The following PPP2R1B variants were observed in gnomAD, a reference collection of about 807,000 sequenced individuals.
PPP2R1B encodes the protein serine/threonine-protein phosphatase 2A 65 kDa regulatory subunit A beta isoform.
Under a neutral mutation model 72.7 loss-of-function variants are expected in PPP2R1B, and 58 were observed. The observed-to-expected ratio is 0.80, with a 90% CI of 0.65 to 0.99. PPP2R1B has a LOEUF of 0.99. Ranked by LOEUF, PPP2R1B falls within the 50% of genes least tolerant of loss-of-function variation. The pLI is 0.00. For synonymous variants in PPP2R1B, 256 were observed against 264.6 expected (o/e 0.97, Z 0.32); for missense variants, 695 against 733.6 (o/e 0.95, Z 0.61).
chr11:111,759,285 A>G (rs1487284002), intron 5 of PPP2R1B, among the ~76,000 whole-genome samples: 3 of 152,242 alleles, frequency 2.0e-5, no homozygotes, highest in Non-Finnish European at 4.4e-5. Flanking sequence ...GCAGAGAAAA[A>G]TTAAGTACTT....
chr11:111,703,651 A>G, the PPP2R1B span, among the ~76,000 whole-genome samples: 2 of 152,248 alleles, frequency 1.3e-5, no homozygotes, highest in Non-Finnish European at 2.9e-5. Flanking sequence ...GCATTTATAA[A>G]AGACTCAGAA....
chr11:111,707,882 C>CT, the PPP2R1B span, among the ~76,000 whole-genome samples: 1 of 152,192 alleles, frequency 6.6e-6, no homozygotes, highest in African/African-American at 2.4e-5. Flanking sequence ...GTCAGCGTCT[C>CT]TGAGTTCCTG....
chr11:111,738,460 T>C lies in PPP2R1B; in HGVS notation c.*3136A>G. 1 of 985,466 alleles carries C rather than the reference T, an allele frequency of 1.0e-6. No individual in the cohort carries two copies. The highest frequency in any genetic ancestry group is 1.2e-6 in the Non-Finnish European group (1 of 829,960). The allele number at this position is 985,466 out of a possible 1,614,324, so 61.0% of individuals were successfully genotyped here. On this transcript the variant is annotated 3_prime_UTR_variant, in exon 15 of 15. Transcript: ENST00000527614. ...ACAACAGTTAACAAAGGAACAAAAGTGCACCAGGTTAACCGCCGGGTCAGG... is the reference window on the plus strand; with the variant it reads ...ACAACAGTTAACAAAGGAACAAAAGCGCACCAGGTTAACCGCCGGGTCAGG...
In PPP2R1B at chr11:111,741,360, C is replaced by A; in HGVS notation, c.*236G>T. 1.5e-6 allele frequency: 2 copies of A among 1,352,050 alleles called. No individual in the cohort carries two copies. The highest frequency in any genetic ancestry group is 3.5e-5 in the South Asian group (2 of 57,208). The allele number at this position is 1,352,050 out of a possible 1,614,324, so 83.8% of individuals were successfully genotyped here. A position where few individuals can be genotyped will look rare whatever the true frequency, so the allele number is the denominator to read the frequency against. ...AAAGCATTAGGAGACAATCAAGTGT[C>A]AGGAATTGGTCAATAAGAACGGCTT... is the stretch of plus-strand genomic sequence containing the variant. On this transcript the variant is annotated 3_prime_UTR_variant, in exon 15 of 15. Coordinates refer to ENST00000527614, the MANE Select transcript of PPP2R1B (RefSeq NM_002716.5).
At position 111,739,375 on chromosome 11, in the gene PPP2R1B, T is replaced by TTATA. The variant is rs1944444347; in HGVS notation, c.*2220_*2221insTATA. 1 of 984,428 alleles carries TTATA rather than the reference T, an allele frequency of 1.0e-6. No homozygotes were observed. Among genetic ancestry groups the TTATA allele is most frequent in the Non-Finnish European group, 1.2e-6 (1 of 829,666 alleles). 61.0% of individuals were successfully genotyped at this position (984,428 alleles called of 1,614,324 possible). A position where few individuals can be genotyped will look rare whatever the true frequency, so the allele number is the denominator to read the frequency against. ...AAAAAAAAATAGGAGAACTAATTCA[T>TTATA]GGAGAACATGGCCAAGTTATGAGCC... On this transcript the variant is annotated 3_prime_UTR_variant, in exon 15 of 15. Coordinates refer to ENST00000527614, the MANE Select transcript of PPP2R1B (RefSeq NM_002716.5).
At chr11:111,752,563 T>C (rs1168335692) in intron 9 of PPP2R1B, among the ~76,000 whole-genome samples, 1 of 152,220 alleles carries the variant, frequency 6.6e-6, no homozygotes, top group Non-Finnish European at 1.5e-5. Flanking sequence ...GTCCGTAAGA[T>C]GGTAAAGAGC....
downstream of PPP2R1B, chr11:111,725,085 A>G (rs906147492): frequency 6.6e-6 from 1 of 152,666 alleles, no homozygotes; most frequent in African/African-American, 2.4e-5. Flanking sequence ...AGCTTTGTAT[A>G]TTTGGACAGT....
chr11:111,703,631 T>C, the PPP2R1B span, among the ~76,000 whole-genome samples: 2 of 152,196 alleles, frequency 1.3e-5, no homozygotes, highest in Non-Finnish European at 2.9e-5. Context: ...GCCAAAACAT[T>C]CAAGAGGAGG....
the PPP2R1B span, among the ~76,000 whole-genome samples, chr11:111,694,708 A>T: frequency 4.0e-4 from 61 of 152,358 alleles, 1 homozygote; most frequent in South Asian, 6.2e-3. Context: ...TACATCAAAA[A>T]GCACAATGAA....
At chr11:111,724,278 G>T (rs1364085813), downstream of PPP2R1B, 8 of 1,172,636 alleles carry the variant, frequency 6.8e-6, no homozygotes, top group Middle Eastern at 2.9e-4. Flanking sequence ...GGGTCTGGCT[G>T]GGGTGGATGT....
downstream of PPP2R1B, among the ~76,000 whole-genome samples, chr11:111,736,731 G>A (rs1944351151): frequency 6.6e-6 from 1 of 152,178 alleles, no homozygotes; most frequent in South Asian, 2.1e-4. Context: ...GACTTAAAAG[G>A]CAGCCTTTTT....
intron 12 of PPP2R1B, 49 bp from the exon 13 acceptor site, chr11:111,742,714 A>C: frequency 6.8e-7 from 1 of 1,469,192 alleles, no homozygotes; most frequent in East Asian, 2.5e-5. Flanking sequence ...AAAAAATTCC[A>C]AAATCTAATG....
chr11:111,725,654 C>T (rs1420519337), downstream of PPP2R1B: 1 of 152,698 alleles, frequency 6.5e-6, no homozygotes, highest in Non-Finnish European at 1.5e-5. Context: ...AAGAGAGGGA[C>T]TAACTGATGC....
intron 8 of PPP2R1B, 76 bp from the exon 9 acceptor site, chr11:111,753,653 G>A (rs1362591773): frequency 5.5e-6 from 8 of 1,455,072 alleles, no homozygotes; most frequent in Non-Finnish European, 7.4e-6. Flanking sequence ...GGGAAACAGA[G>A]TCTTGCTCTG....
At chr11:111,754,946 G>T in intron 7 of PPP2R1B, 34 bp downstream of exon 7, 2 of 1,511,802 alleles carry the variant, frequency 1.3e-6, no homozygotes, top group South Asian at 1.2e-5. Context: ...CAAAATGAAT[G>T]ACACATGTTC....
At chr11:111,756,203 C>T (rs1320123302) in intron 5 of PPP2R1B, among the ~76,000 whole-genome samples, 20 of 127,596 alleles carry the variant, frequency 1.6e-4, no homozygotes, top group African/African-American at 6.0e-4. Flanking sequence ...GAGTGACACT[C>T]TGTCTCAAAA....
chr11:111,766,027 G>GCCTCAGGGGGT (rs2136125492), intron 1 of PPP2R1B: 1 of 584,406 alleles, frequency 1.7e-6, no homozygotes, highest in East Asian at 3.0e-5. Flanking sequence ...CCGGGCGGAC[G>GCCTCAGGGGGT]CCTCAGGGGG....
rs782034042 is a variant in PPP2R1B at position 111,754,948 on chromosome 11, C to T, written c.958+32G>A. On this transcript the variant is annotated intron_variant, in intron 7 of 14. Coordinates refer to ENST00000527614, the MANE Select transcript of PPP2R1B (RefSeq NM_002716.5). ...CAAAAAAATGCACCAAAATGAATGA[C>T]ACATGTTCCAACATAAATTGAACTC... is the stretch of plus-strand genomic sequence containing the variant. 1.6e-5 allele frequency: 24 copies of T among 1,525,974 alleles called. No individual in the cohort carries two copies. In the South Asian group the frequency reaches 2.2e-4, roughly 14 times the overall value. The allele number at this position is 1,525,974 out of a possible 1,614,324, so 94.5% of individuals were successfully genotyped here.
the PPP2R1B span, among the ~76,000 whole-genome samples, chr11:111,719,619 C>T: frequency 2.0e-5 from 3 of 152,132 alleles, no homozygotes; most frequent in East Asian, 1.9e-4. Context: ...CTTGCCTTCA[C>T]TTCTAATCTA....
Sources: gnomAD v4.1 joint callset for allele counts (sites outside exome capture counted in the v4.1 genomes callset) on GRCh38, gnomAD v4.1.1 for gene constraint, MANE v1.5 for transcripts, NCBI Gene and HGNC (gene_info 2026-07-23, HGNC 2026-07-21) for gene names.